Variants in STAU2 observed in about 807,000 individuals in gnomAD.
STAU2 encodes the protein staufen double-stranded RNA binding protein 2.
Under a neutral mutation model 65.9 loss-of-function variants are expected in STAU2, and 20 were observed. That is an observed-to-expected ratio of 0.30 (90% CI 0.21 to 0.44). The LOEUF (loss-of-function observed/expected upper bound fraction) is 0.44, where lower values mean the gene tolerates loss of function less well. STAU2 is among the 20% of genes least tolerant of loss of function. The pLI, the probability that STAU2 is intolerant of heterozygous loss-of-function variation, is 1.00. For missense variants in STAU2, 558 were observed against 683.9 expected, an observed-to-expected ratio of 0.82 and a Z score of 2.05; for synonymous variants, 232 against 233.9, an observed-to-expected ratio of 0.99 and a Z score of 0.07.
At position 73,475,673 on chromosome 8, in the gene STAU2, T is replaced by A. The variant is rs1286321683; in HGVS notation, c.1531-52971A>T. 2.6e-5 allele frequency among the ~76,000 whole-genome samples: 4 copies of A among 152,200 alleles called. No homozygotes were observed. In the East Asian group the frequency reaches 5.8e-4, roughly 22 times the overall value. On this transcript the variant is annotated intron_variant, in intron 13 of 14. Coordinates refer to ENST00000524300, the MANE Select transcript of STAU2 (RefSeq NM_001164380.2). ...TACTGATATGTGATCAGGGTCTCAT[T>A]TAATACTAATTTAGAAGGTCCCTTT...
chr8:73,733,718 T>C (rs1465805659), intron 3 of STAU2, among the ~76,000 whole-genome samples: 1 of 152,060 alleles, frequency 6.6e-6, no homozygotes. Flanking sequence ...GAACAAAAAA[T>C]ATTTAAATAT....
chr8:73,687,750 C>T (rs1819035630), intron 5 of STAU2, among the ~76,000 whole-genome samples: 1 of 151,530 alleles, frequency 6.6e-6, no homozygotes, highest in Admixed American at 6.6e-5. Flanking sequence ...CTCGCTCTGT[C>T]GCCCAGGCTG....
At chr8:73,506,711 T>A (rs1822088804) in intron 13 of STAU2, among the ~76,000 whole-genome samples, 1 of 152,236 alleles carries the variant, frequency 6.6e-6, no homozygotes, top group South Asian at 2.1e-4. Context: ...GACTAACTCT[T>A]CCTTTCACAA....
chr8:73,715,523 T>C (rs1242833495), intron 3 of STAU2, among the ~76,000 whole-genome samples: 1 of 151,734 alleles, frequency 6.6e-6, no homozygotes, highest in Non-Finnish European at 1.5e-5. Flanking sequence ...CCTATTAGAC[T>C]GATAAAGATT....
chr8:73,658,589 C>T (rs1183127351), intron 6 of STAU2, among the ~76,000 whole-genome samples: 1 of 151,744 alleles, frequency 6.6e-6, no homozygotes, highest in Admixed American at 6.6e-5. Context: ...TAACATAAAC[C>T]CTCATTAATA....
intron 13 of STAU2, among the ~76,000 whole-genome samples, chr8:73,512,234 C>G (rs570579094): frequency 5.3e-5 from 8 of 152,284 alleles, no homozygotes; most frequent in African/African-American, 1.4e-4. Context: ...ATTCTGGTCT[C>G]TTTGCATTTC....
upstream of STAU2, chr8:73,747,042 C>T (rs1199300248): frequency 9.2e-6 from 2 of 216,676 alleles, no homozygotes; most frequent in African/African-American, 2.3e-5. Context: ...CTCCGCCTCC[C>T]GCCGGCCCGC....
chr8:73,430,537 G>T (rs898595560), intron 13 of STAU2, among the ~76,000 whole-genome samples: 2 of 152,114 alleles, frequency 1.3e-5, no homozygotes, highest in African/African-American at 2.4e-5. Flanking sequence ...CTTTCTACAG[G>T]ATCATGCCAA....
intron 13 of STAU2, among the ~76,000 whole-genome samples, chr8:73,437,228 T>C (rs565353397): frequency 5.9e-5 from 9 of 152,318 alleles, no homozygotes; most frequent in Middle Eastern, 6.8e-3. Context: ...AAGGCAACTT[T>C]GCAGATATCA....
chr8:73,431,183 G>A (rs1817258325), intron 13 of STAU2, among the ~76,000 whole-genome samples: 2 of 152,128 alleles, frequency 1.3e-5, no homozygotes, highest in Admixed American at 1.3e-4. Context: ...CATCCAGAAC[G>A]CTCCATAAGT....
chr8:73,702,273 G>C (rs1408186257), intron 4 of STAU2, among the ~76,000 whole-genome samples: 1 of 152,156 alleles, frequency 6.6e-6, no homozygotes, highest in Non-Finnish European at 1.5e-5. Context: ...ATAAATGCTT[G>C]AGGCTTTGGA....
chr8:73,633,195 C>T (rs1369325991), intron 6 of STAU2, among the ~76,000 whole-genome samples: 1 of 152,182 alleles, frequency 6.6e-6, no homozygotes, highest in East Asian at 1.9e-4. Flanking sequence ...CTCATCTAAT[C>T]CTCACAATAG....
At chr8:73,423,492 C>T (rs1173325748) in intron 13 of STAU2, among the ~76,000 whole-genome samples, 2 of 152,264 alleles carry the variant, frequency 1.3e-5, no homozygotes, top group Middle Eastern at 3.4e-3. Flanking sequence ...CCCGACACTG[C>T]TGAGTGAGAT....
intron 4 of STAU2, 90 bp from the exon 5 acceptor site, chr8:73,688,903 TC>T (rs1819135269): frequency 1.3e-6 from 2 of 1,483,846 alleles, no homozygotes; most frequent in East Asian, 4.6e-5. Context: ...CATCATAGAA[TC>T]AGAATTTTAG....
intron 13 of STAU2, among the ~76,000 whole-genome samples, chr8:73,540,287 G>A (rs1343463610): frequency 1.3e-5 from 2 of 152,218 alleles, no homozygotes; most frequent in Non-Finnish European, 2.9e-5. Context: ...AAGGCCATGT[G>A]AAGATGGAGG....
intron 8 of STAU2, 49 bp from the exon 9 acceptor site, chr8:73,614,005 T>C (rs1267209600): frequency 7.0e-7 from 1 of 1,422,010 alleles, no homozygotes; most frequent in Non-Finnish European, 9.5e-7. Context: ...ACTTGAGATG[T>C]ATTCTTAAAG....
chr8:73,623,148 A>G (rs571945707), intron 6 of STAU2, among the ~76,000 whole-genome samples: 12 of 152,308 alleles, frequency 7.9e-5, no homozygotes, highest in African/African-American at 2.9e-4. Flanking sequence ...ACATTCACTT[A>G]TATCTGACTG....
At chr8:73,721,287 C>CAAAAAAAAAAAAAAA (rs35721754) in intron 3 of STAU2, among the ~76,000 whole-genome samples, 3 of 12,464 alleles carry the variant, frequency 2.4e-4, no homozygotes, top group Non-Finnish European at 4.2e-4. Context: ...ACCCCACCTC[C>CAAAAAAAAAAAAAAA]AAAAAAAAAA....
intron 13 of STAU2, among the ~76,000 whole-genome samples, chr8:73,483,500 A>G (rs1029644466): frequency 7.0e-6 from 1 of 143,302 alleles, no homozygotes. Flanking sequence ...CTTATATTTC[A>G]GTAATGTACT....
Sources: gnomAD v4.1 joint callset for allele counts (sites outside exome capture counted in the v4.1 genomes callset) on GRCh38, gnomAD v4.1.1 for gene constraint, MANE v1.5 for transcripts, NCBI Gene and HGNC (gene_info 2026-07-23, HGNC 2026-07-21) for gene names.